Variants in AGBL4 observed in about 807,000 individuals in gnomAD.
The protein encoded by AGBL4 is cytosolic carboxypeptidase 6.
Under a neutral mutation model 66.4 loss-of-function variants are expected in AGBL4, and 58 were observed. The ratio of observed to expected loss-of-function variants is 0.87; its 90% CI spans 0.71 to 1.09. AGBL4 has a LOEUF of 1.09. AGBL4 is among the 50% of genes least tolerant of loss of function. AGBL4 has a pLI of 0.00. For synonymous variants in AGBL4, 234 were observed against 222.9 expected, an observed-to-expected ratio of 1.05 and a Z score of -0.44; for missense variants, 579 against 631.0, an observed-to-expected ratio of 0.92 and a Z score of 0.88.
At chr1:48,685,457 A>G (rs755765681) in intron 6 of AGBL4, among the ~76,000 whole-genome samples, 1 of 152,066 alleles carries the variant, frequency 6.6e-6, no homozygotes, top group Non-Finnish European at 1.5e-5. Context: ...ACCCCCCCAT[A>G]GCCATCATCT....
chr1:49,441,449 C>G lies in AGBL4; in HGVS notation c.283-195585G>C, dbSNP rs374229380. Among the ~76,000 whole-genome samples, 210 of 152,316 alleles carry G rather than the reference C, an allele frequency of 1.4e-3. 1 individual carries two copies. Among genetic ancestry groups the G allele is most frequent in the African/African-American group, 4.7e-3 (197 of 41,576 alleles). On this transcript the variant is annotated intron_variant, in intron 3 of 13. Transcript: ENST00000371839. The stretch of plus-strand genomic sequence containing the variant: ...TAAAAGATGGTCCACTGTGACCGAC[C>G]TGGAAATGCCTGATCTCCCTTGGTT...
chr1:49,729,716 A>G (rs1011792990), intron 2 of AGBL4, among the ~76,000 whole-genome samples: 8 of 152,244 alleles, frequency 5.3e-5, no homozygotes, highest in African/African-American at 1.9e-4. Flanking sequence ...GTCTGAAAAA[A>G]GAAACAGACT....
At chr1:49,488,671 A>C (rs114202789) in intron 3 of AGBL4, among the ~76,000 whole-genome samples, 97 of 151,910 alleles carry the variant, frequency 6.4e-4, no homozygotes, top group African/African-American at 2.3e-3. Flanking sequence ...TGCACACATT[A>C]ACTGTCCCCA....
chr1:49,967,894 G>A (rs1014334518), intron 1 of AGBL4, among the ~76,000 whole-genome samples: 1 of 151,872 alleles, frequency 6.6e-6, no homozygotes, highest in Non-Finnish European at 1.5e-5. Flanking sequence ...ACTTTACAGG[G>A]TTTTTTCAAG....
intron 1 of AGBL4, among the ~76,000 whole-genome samples, chr1:49,926,917 G>A (rs1652834606): frequency 6.6e-6 from 1 of 152,090 alleles, no homozygotes; most frequent in Admixed American, 6.5e-5. Context: ...ACAATCACAA[G>A]ATACCACAAT....
intron 1 of AGBL4, among the ~76,000 whole-genome samples, chr1:50,002,939 CA>C (rs1478880642): frequency 6.6e-6 from 1 of 151,754 alleles, no homozygotes; most frequent in African/African-American, 2.4e-5. Flanking sequence ...GTTAAATTAA[CA>C]AAATAAAAGT....
intron 6 of AGBL4, among the ~76,000 whole-genome samples, chr1:48,763,291 T>C (rs1644368674): frequency 6.6e-6 from 1 of 152,216 alleles, no homozygotes; most frequent in African/African-American, 2.4e-5. Context: ...CTTGCACTCA[T>C]TGTGCCTATA....
intron 3 of AGBL4, among the ~76,000 whole-genome samples, chr1:49,529,616 G>A (rs144114008): frequency 9.9e-4 from 151 of 152,234 alleles, no homozygotes; most frequent in African/African-American, 3.5e-3. Context: ...GAGGCAGAGT[G>A]CAGGGAGCTG....
chr1:49,488,485 T>G (rs997424084), intron 3 of AGBL4, among the ~76,000 whole-genome samples: 1 of 151,750 alleles, frequency 6.6e-6, no homozygotes, highest in Non-Finnish European at 1.5e-5. Flanking sequence ...TGCATAATAA[T>G]CACATCAGGG....
At chr1:48,765,489 T>C (rs1300951591) in intron 6 of AGBL4, among the ~76,000 whole-genome samples, 2 of 152,230 alleles carry the variant, frequency 1.3e-5, no homozygotes, top group African/African-American at 2.4e-5. Context: ...TGGGCAGCCA[T>C]AGTAGAGAAC....
intron 4 of AGBL4, among the ~76,000 whole-genome samples, chr1:49,152,815 C>T (rs1263865057): frequency 6.6e-6 from 1 of 152,158 alleles, no homozygotes; most frequent in Non-Finnish European, 1.5e-5. Context: ...AATAAAATTT[C>T]ACCCACACAG....
At chr1:49,477,935 T>A (rs1646878647) in intron 3 of AGBL4, among the ~76,000 whole-genome samples, 1 of 151,506 alleles carries the variant, frequency 6.6e-6, no homozygotes, top group Non-Finnish European at 1.5e-5. Context: ...GAAGAACACA[T>A]CAGTCTTTTA....
intron 6 of AGBL4, among the ~76,000 whole-genome samples, chr1:48,857,648 A>T (rs909265455): frequency 3.3e-5 from 5 of 152,012 alleles, no homozygotes; most frequent in Non-Finnish European, 5.9e-5. Flanking sequence ...GTGAACCCGG[A>T]AGGTGGAGCT....
intron 5 of AGBL4, among the ~76,000 whole-genome samples, chr1:48,892,475 G>A (rs772308245): frequency 2.6e-5 from 4 of 152,122 alleles, no homozygotes; most frequent in Non-Finnish European, 5.9e-5. Context: ...GGTGGTCAGA[G>A]CACAGCTTGG....
chr1:49,391,550 GTTTT>G (rs1182720692), intron 3 of AGBL4, among the ~76,000 whole-genome samples: 26 of 124,448 alleles, frequency 2.1e-4, no homozygotes, highest in African/African-American at 6.1e-4. Flanking sequence ...ATAACCATGA[GTTTT>G]TTTTTTTTGT....
At chr1:49,468,873 A>G (rs959668038) in intron 3 of AGBL4, among the ~76,000 whole-genome samples, 3 of 151,828 alleles carry the variant, frequency 2.0e-5, no homozygotes, top group Admixed American at 6.6e-5. Flanking sequence ...AAATGAAGAA[A>G]TGCCCTTTTT....
intron 6 of AGBL4, among the ~76,000 whole-genome samples, chr1:48,829,815 C>T (rs1437049112): frequency 6.6e-6 from 1 of 152,190 alleles, no homozygotes; most frequent in East Asian, 1.9e-4. Flanking sequence ...AATTTCTTGG[C>T]TCTGCTGGGA....
chr1:49,937,109 G>A (rs1363903230), intron 1 of AGBL4, among the ~76,000 whole-genome samples: 1 of 152,036 alleles, frequency 6.6e-6, no homozygotes, highest in South Asian at 2.1e-4. Context: ...CATGTGCAGA[G>A]ACACACATAG....
intron 6 of AGBL4, among the ~76,000 whole-genome samples, chr1:48,805,318 C>T (rs979999470): frequency 6.6e-6 from 1 of 152,070 alleles, no homozygotes; most frequent in Non-Finnish European, 1.5e-5. Flanking sequence ...TTTCAAAAGG[C>T]AAATTTGGGT....
Sources: allele counts gnomAD v4.1 joint callset (sites outside exome capture counted in the v4.1 genomes callset), GRCh38; gene constraint gnomAD v4.1.1; transcripts MANE v1.5; gene names NCBI Gene and HGNC (gene_info 2026-07-23, HGNC 2026-07-21).